The following FBXW12 variants were observed in gnomAD, a reference collection of about 807,000 sequenced individuals.
FBXW12 encodes F-box and WD repeat domain containing 12.
Under a neutral mutation model 55.3 loss-of-function variants are expected in FBXW12, and 43 were observed. The observed-to-expected ratio is 0.78, with a 90% CI of 0.61 to 1.00. The LOEUF is 1.00. Ranked by LOEUF, FBXW12 falls within the 50% of genes least tolerant of loss-of-function variation. The probability of loss-of-function intolerance (pLI) is 0.00; values close to 1 mark genes in which losing one functional copy is unlikely to be tolerated. For synonymous variants in FBXW12, 184 were observed against 203.8 expected (o/e 0.90, Z 0.83); for missense variants, 524 against 560.5 (o/e 0.93, Z 0.66).
At chr3:48,391,106 C>CAAAAAA (rs587685327) in intron 10 of FBXW12, among the ~76,000 whole-genome samples, 2 of 82,916 alleles carry the variant, frequency 2.4e-5, no homozygotes, top group Non-Finnish European at 4.9e-5. Flanking sequence ...CCTGTCTCTA[C>CAAAAAA]AAAAAAAAAA....
At chr3:48,384,185 T>C (rs28824259) in intron 10 of FBXW12, among the ~76,000 whole-genome samples, 60,758 of 152,066 alleles carry the variant, frequency 0.4, 12,242 homozygotes, top group Non-Finnish European at 0.46. Flanking sequence ...TGAACCTGAA[T>C]GTCTCTTACT....
intron 10 of FBXW12, among the ~76,000 whole-genome samples, chr3:48,383,301 G>A (rs78531042): frequency 6.6e-6 from 1 of 152,126 alleles, no homozygotes; most frequent in East Asian, 1.9e-4. Context: ...TTGAATGGAT[G>A]TATAGTGATA....
chr3:48,383,719 CTGA>C (rs1250697157), intron 10 of FBXW12, among the ~76,000 whole-genome samples: 4 of 152,082 alleles, frequency 2.6e-5, no homozygotes, highest in African/African-American at 9.7e-5. Flanking sequence ...ATTTAGGTCT[CTGA>C]TGTATTTTGA....
chr3:48,386,548 G>A (rs890797593), intron 10 of FBXW12, among the ~76,000 whole-genome samples: 8 of 151,988 alleles, frequency 5.3e-5, no homozygotes, highest in African/African-American at 1.5e-4. Context: ...ATTTTGATAG[G>A]GATTGCATTG....
At chr3:48,387,047 C>T (rs1405095361) in intron 10 of FBXW12, among the ~76,000 whole-genome samples, 1 of 151,796 alleles carries the variant, frequency 6.6e-6, no homozygotes, top group Non-Finnish European at 1.5e-5. Flanking sequence ...AAGCGATTCT[C>T]CTGCCTCAGG....
At chr3:48,385,573 A>G (rs1373252107) in intron 10 of FBXW12, among the ~76,000 whole-genome samples, 2 of 152,016 alleles carry the variant, frequency 1.3e-5, no homozygotes, top group Non-Finnish European at 2.9e-5. Flanking sequence ...TGATAATCCT[A>G]TTTTTAGTGT....
intron 10 of FBXW12, among the ~76,000 whole-genome samples, chr3:48,393,567 TC>T (rs1443580891): frequency 6.6e-6 from 1 of 152,076 alleles, no homozygotes; most frequent in Non-Finnish European, 1.5e-5. Flanking sequence ...GCGTGGCATC[TC>T]TTATGATATT....
chr3:48,393,133 C>CT (rs1355984623), intron 10 of FBXW12, among the ~76,000 whole-genome samples: 2 of 151,956 alleles, frequency 1.3e-5, no homozygotes, highest in Non-Finnish European at 2.9e-5. Context: ...GTAGCTGGGA[C>CT]TACAGGCATG....
chr3:48,388,388 T>C (rs578005625), intron 10 of FBXW12, among the ~76,000 whole-genome samples: 260 of 152,364 alleles, frequency 1.7e-3, no homozygotes, highest in Non-Finnish European at 3.2e-3. Flanking sequence ...TACGGATTAT[T>C]TATCCTCTTT....
At chr3:48,382,663 T>G (rs2036795098) in intron 10 of FBXW12, among the ~76,000 whole-genome samples, 1 of 152,194 alleles carries the variant, frequency 6.6e-6, no homozygotes, top group Non-Finnish European at 1.5e-5. Context: ...TGTGAGTTCA[T>G]TAGCCACTTG....
Position 48,394,710 on chromosome 3 carries a change from G to T in FBXW12, c.*51G>T. 1.0e-6 allele frequency: 1 copy of T among 997,792 alleles called. No individual in the cohort carries two copies. The highest frequency in any genetic ancestry group is 1.5e-6 in the Non-Finnish European group (1 of 645,946). 61.8% of individuals were successfully genotyped at this position (997,792 alleles called of 1,614,324 possible). ...GCATCATCTTCTGCAATGTAGTAAA[G>T]AAATTCTATTTGCAAGCCCAGAATG... On this transcript the variant is annotated 3_prime_UTR_variant, in exon 11 of 11. Coordinates refer to ENST00000296438, the MANE Select transcript of FBXW12 (RefSeq NM_207102.2).
In FBXW12 at chr3:48,381,651, A is replaced by G. The variant is rs763558034; in HGVS notation, c.986-49A>G. On this transcript the variant is annotated intron_variant, in intron 8 of 10. Transcript: ENST00000296438. Reference sequence around the variant, plus strand: ...ATTATTATTCAATGACCTGATCTTTACTTCCTTATGTGTGTGTGTATATAT... The same window carrying G: ...ATTATTATTCAATGACCTGATCTTTGCTTCCTTATGTGTGTGTGTATATAT... The G allele has an allele frequency of 8.1e-6, 12 of 1,485,964 alleles. No individual in the cohort carries two copies. The South Asian group carries it at 1.4e-4, about 17-fold the overall frequency. The allele number at this position is 1,485,964 out of a possible 1,614,324, so 92.0% of individuals were successfully genotyped here.
intron 10 of FBXW12, among the ~76,000 whole-genome samples, chr3:48,388,819 G>A (rs552382001): frequency 2.0e-5 from 3 of 152,036 alleles, no homozygotes; most frequent in Non-Finnish European, 2.9e-5. Flanking sequence ...TGATCAAATC[G>A]GGCTAATTAA....
At position 48,373,720 on chromosome 3, in the gene FBXW12, G is replaced by A; in HGVS notation, c.286+15G>A. 1 of 1,602,006 alleles carries A rather than the reference G, an allele frequency of 6.2e-7. No individual in the cohort carries two copies. The highest frequency in any genetic ancestry group is 8.5e-7 in the Non-Finnish European group (1 of 1,170,628). ...TAAGAACATCGGTATGGGTATAGGT[G>A]CCCTAGAGGAACATGAGCAGCTTGT... On this transcript the variant is annotated intron_variant, in intron 4 of 10. Coordinates refer to ENST00000296438, the MANE Select transcript of FBXW12 (RefSeq NM_207102.2).
Position 48,373,578 on chromosome 3 carries a change from C to G in FBXW12, c.159C>G (p.Ser53Arg). ...TATCTCTGCAGAGATGGGACTGCAG[C>G]AACTTCACCAATCAACACCTGGGCA... is the stretch of plus-strand genomic sequence containing the variant. ...RSLSLQRWDC[S>R]NFTNQHLGTH... The change falls in exon 4 of 11, where the codon AGC (serine) becomes AGG (arginine). Residue 53 changes from serine to arginine, a missense_variant. Physicochemically the swap from Ser to Arg is moderately radical, Grantham distance 110. Transcript: ENST00000296438. The G allele has an allele frequency of 1.9e-6, 3 of 1,614,112 alleles. No individual in the cohort carries two copies. Among genetic ancestry groups the G allele is most frequent in the Non-Finnish European group, 2.5e-6 (3 of 1,180,012 alleles).
At chr3:48,373,211 G>C in intron 2 of FBXW12, 97 bp from the exon 3 acceptor site, 2 of 1,581,184 alleles carry the variant, frequency 1.3e-6, no homozygotes, top group South Asian at 2.2e-5. Context: ...TGATTAACCT[G>C]TGCGGGCCCA....
intron 10 of FBXW12, among the ~76,000 whole-genome samples, chr3:48,386,715 C>T (rs537255844): frequency 5.3e-5 from 8 of 152,214 alleles, no homozygotes; most frequent in African/African-American, 1.4e-4. Flanking sequence ...GTTCAATTTA[C>T]TCAAGTATTT....
At chr3:48,376,067 C>T (rs749927179) in intron 5 of FBXW12, among the ~76,000 whole-genome samples, 2 of 149,162 alleles carry the variant, frequency 1.3e-5, no homozygotes, top group Non-Finnish European at 3.0e-5. Context: ...CTGCAACCTC[C>T]GCCTCCCGAG....
chr3:48,381,028 T>TC (rs1439754464), intron 8 of FBXW12, 116 bp downstream of exon 8: 4 of 847,600 alleles, frequency 4.7e-6, no homozygotes, highest in Non-Finnish European at 7.1e-6. Flanking sequence ...TCTAGTTTTT[T>TC]TTTTTTTTTT....
Sources: allele counts gnomAD v4.1 joint callset (sites outside exome capture counted in the v4.1 genomes callset), GRCh38; gene constraint gnomAD v4.1.1; transcripts MANE v1.5; gene names NCBI Gene and HGNC (gene_info 2026-07-23, HGNC 2026-07-21).